The following TMEM178B variants were observed in gnomAD, a reference collection of about 807,000 sequenced individuals.
TMEM178B encodes the protein transmembrane protein 178B.
A neutral mutation model predicts 31.0 loss-of-function variants in TMEM178B; 5 were observed. The observed-to-expected ratio is 0.16, with a 90% CI of 0.08 to 0.34. TMEM178B has a LOEUF of 0.34. Ranked by LOEUF, TMEM178B falls within the 10% of genes least tolerant of loss-of-function variation. The probability of loss-of-function intolerance (pLI) is 1.00; values close to 1 mark genes in which losing one functional copy is unlikely to be tolerated. For synonymous variants in TMEM178B, 164 were observed against 164.0 expected (o/e 1.00, Z 0.00); for missense variants, 275 against 400.3 (o/e 0.69, Z 2.67).
At chr7:141,127,498 G>C (rs1795518429) in intron 1 of TMEM178B, among the ~76,000 whole-genome samples, 1 of 152,178 alleles carries the variant, frequency 6.6e-6, no homozygotes. Flanking sequence ...GAGACACACA[G>C]AGGGGAGGGC....
At chr7:141,118,522 A>T (rs1251681163) in intron 1 of TMEM178B, among the ~76,000 whole-genome samples, 1 of 152,238 alleles carries the variant, frequency 6.6e-6, no homozygotes, top group East Asian at 1.9e-4. Context: ...TAAGTGGTAT[A>T]CAATAGTGAC....
intron 2 of TMEM178B, among the ~76,000 whole-genome samples, chr7:141,307,289 G>T (rs73737745): frequency 0.018 from 2,667 of 152,304 alleles, 78 homozygotes; most frequent in African/African-American, 0.061. Context: ...AATGGAAAAT[G>T]GATTAATTTA....
chr7:141,498,327 G>A, the TMEM178B span, among the ~76,000 whole-genome samples: 14 of 152,182 alleles, frequency 9.2e-5, no homozygotes, highest in Admixed American at 2.6e-4. Context: ...GTTTGGCACC[G>A]TCTTCTCAGG....
chr7:141,345,217 C>A lies in TMEM178B; in HGVS notation c.497-92391C>A, dbSNP rs1226536673. Among the ~76,000 whole-genome samples the A allele has an allele frequency of 3.9e-5, 6 of 152,132 alleles. No homozygotes were observed. In the East Asian group the frequency reaches 1.2e-3, roughly 29 times the overall value. ...TAACCTAACCCTAGTCAGATTGGAA[C>A]AAATTCATGATCAATAGTACCAAAG... On this transcript the variant is annotated intron_variant, in intron 2 of 3. Coordinates refer to ENST00000565468, the MANE Select transcript of TMEM178B (RefSeq NM_001195278.2).
At chr7:141,162,190 G>A (rs1796186594) in intron 1 of TMEM178B, among the ~76,000 whole-genome samples, 1 of 152,218 alleles carries the variant, frequency 6.6e-6, no homozygotes. Context: ...CTCTGATTTG[G>A]AGGCTGACGC....
At chr7:141,272,303 A>G (rs1441570224) in intron 2 of TMEM178B, among the ~76,000 whole-genome samples, 1 of 152,206 alleles carries the variant, frequency 6.6e-6, no homozygotes, top group Non-Finnish European at 1.5e-5. Flanking sequence ...TTACCTGTGA[A>G]GGCAGGAATG....
At chr7:141,367,486 GCTGGTCTGGAACTCCAGAC>G (rs1480916226) in intron 2 of TMEM178B, among the ~76,000 whole-genome samples, 3 of 152,060 alleles carry the variant, frequency 2.0e-5, no homozygotes, top group Non-Finnish European at 1.5e-5. Context: ...TGTTAGCCAG[GCTGGTCTGGAACTCCAGAC>G]CTCATGTGAT....
At chr7:141,398,461 G>T (rs1012756550) in intron 2 of TMEM178B, among the ~76,000 whole-genome samples, 10 of 152,192 alleles carry the variant, frequency 6.6e-5, no homozygotes, top group African/African-American at 2.4e-4. Flanking sequence ...CTGACTCAGG[G>T]GAAGCTGCAG....
chr7:141,330,089 T>G (rs1470591586), intron 2 of TMEM178B, among the ~76,000 whole-genome samples: 1 of 152,180 alleles, frequency 6.6e-6, no homozygotes, highest in Non-Finnish European at 1.5e-5. Context: ...AAGGGCTTTT[T>G]TTTTTGGTTG....
At chr7:141,242,530 C>T (rs1212338089) in intron 2 of TMEM178B, among the ~76,000 whole-genome samples, 3 of 140,004 alleles carry the variant, frequency 2.1e-5, no homozygotes, top group African/African-American at 8.0e-5. Flanking sequence ...CCTACCTTCC[C>T]GATTCTTTTC....
At chr7:141,149,699 G>T (rs1247442419) in intron 1 of TMEM178B, among the ~76,000 whole-genome samples, 1 of 152,208 alleles carries the variant, frequency 6.6e-6, no homozygotes, top group Non-Finnish European at 1.5e-5. Flanking sequence ...GCCTTATGAT[G>T]ACTGAGGCAG....
At chr7:141,155,318 A>G (rs960725423) in intron 1 of TMEM178B, among the ~76,000 whole-genome samples, 8 of 152,200 alleles carry the variant, frequency 5.3e-5, no homozygotes, top group African/African-American at 1.9e-4. Context: ...GGATCTGGGT[A>G]GGAGCTCTTT....
intron 2 of TMEM178B, among the ~76,000 whole-genome samples, chr7:141,402,534 A>G (rs1233810468): frequency 6.6e-6 from 1 of 152,200 alleles, no homozygotes; most frequent in Non-Finnish European, 1.5e-5. Flanking sequence ...AGCCACCAGC[A>G]CCCTAGGACC....
chr7:141,356,380 G>GT (rs111845779), intron 2 of TMEM178B, among the ~76,000 whole-genome samples: 47,627 of 147,266 alleles, frequency 0.32, 7,638 homozygotes, highest in Middle Eastern at 0.35. Flanking sequence ...ACTGACATCT[G>GT]TTTTTTTTTT....
chr7:141,163,019 A>G (rs1456809434), intron 1 of TMEM178B, among the ~76,000 whole-genome samples: 2 of 152,350 alleles, frequency 1.3e-5, no homozygotes, highest in Non-Finnish European at 2.9e-5. Context: ...TTTGCTGTGT[A>G]ACAACCAACC....
At chr7:141,163,190 T>C (rs1385988491) in intron 1 of TMEM178B, among the ~76,000 whole-genome samples, 1 of 152,164 alleles carries the variant, frequency 6.6e-6, no homozygotes, top group Non-Finnish European at 1.5e-5. Flanking sequence ...GCTAGGGCGG[T>C]TCTTCATGTA....
At position 141,171,051 on chromosome 7, in the gene TMEM178B, CACACACACACACA is replaced by C. The variant is rs1457241171; in HGVS notation, c.383-41539_383-41527del. On this transcript the variant is annotated intron_variant, in intron 1 of 3. Coordinates refer to ENST00000565468, the MANE Select transcript of TMEM178B (RefSeq NM_001195278.2). This position sits in a 1 kb window ranked among gnomAD's most constrained non-coding sequence, Gnocchi z 4.3. ...ACACACACACACACACACACACACA[CACACACACACACA>C]CCCTAAATATAAATTAAAATAAATA... Among the ~76,000 whole-genome samples the C allele has an allele frequency of 6.9e-5, 10 of 145,164 alleles. No homozygotes were observed. The highest frequency in any genetic ancestry group is 1.8e-4 in the African/African-American group (7 of 39,536).
In TMEM178B at chr7:141,074,792, CTG is replaced by C; in HGVS notation, c.382+101_382+102del. 7.0e-7 allele frequency: 1 copy of C among 1,418,590 alleles called. No individual in the cohort carries two copies. Among genetic ancestry groups the C allele is most frequent in the Non-Finnish European group, 9.2e-7 (1 of 1,085,672 alleles). 87.9% of individuals were successfully genotyped at this position (1,418,590 alleles called of 1,614,324 possible). A position where few individuals can be genotyped will look rare whatever the true frequency, so the allele number is the denominator to read the frequency against. ...TCCCAGGCCACAGGCTATCAGGTCTCTGGGTTCCAGGCGGTCCGGTTATCCAG... is the reference window on the plus strand; with the variant it reads ...TCCCAGGCCACAGGCTATCAGGTCTCGGTTCCAGGCGGTCCGGTTATCCAG... On this transcript the variant is annotated intron_variant, in intron 1 of 3. Transcript: ENST00000565468. The surrounding 1 kb of genome is among the most constrained non-coding windows in gnomAD (Gnocchi z 5.1).
downstream of TMEM178B, among the ~76,000 whole-genome samples, chr7:141,483,290 T>C (rs1258582034): frequency 6.6e-6 from 1 of 152,172 alleles, no homozygotes; most frequent in Non-Finnish European, 1.5e-5. Flanking sequence ...ACACTTCCTG[T>C]CCACATGAGA....
Sources: gnomAD v4.1 joint callset for allele counts (sites outside exome capture counted in the v4.1 genomes callset) on GRCh38, gnomAD v4.1.1 for gene constraint, Gnocchi (gnomAD v3.1) non-coding constraint, MANE v1.5 for transcripts, NCBI Gene and HGNC (gene_info 2026-07-23, HGNC 2026-07-21) for gene names.